Variants in FOXM1 observed in about 807,000 individuals in gnomAD.
FOXM1 encodes forkhead box M1, also known as forkhead box protein M1.
In FOXM1, 25 loss-of-function variants were observed where a neutral mutation model predicts 63.6. The observed-to-expected ratio is 0.39, with a 90% confidence interval of 0.29 to 0.55. FOXM1 has a LOEUF of 0.55. FOXM1 is among the 20% of genes least tolerant of loss of function. The pLI is 0.60. For synonymous variants in FOXM1, 387 were observed against 376.9 expected, an observed-to-expected ratio of 1.03 and a Z score of -0.31; for missense variants, 879 against 958.7, an observed-to-expected ratio of 0.92 and a Z score of 1.10.
intron 2 of FOXM1, 34 bp downstream of exon 2, chr12:2,873,943 G>T: frequency 6.3e-7 from 1 of 1,581,220 alleles, no homozygotes; most frequent in Non-Finnish European, 8.6e-7. Flanking sequence ...GAAAGGCTGG[G>T]CTCCCTCACC....
Position 2,874,007 on chromosome 12 carries a change from C to T in FOXM1, c.472G>A (p.Ala158Thr). 6.2e-7 allele frequency: 1 copy of T among 1,613,878 alleles called. No individual in the cohort carries two copies. Among genetic ancestry groups the T allele is most frequent in the South Asian group, 1.1e-5 (1 of 91,060 alleles). ...RDVNLPRPPG[A>T]LCEQKRETCA... ...GTCTCCCGTTTCTGCTCGCAAAGGGCTCCAGGTGGTCTAGGAAGATTCACA... is the reference window on the plus strand; with the variant it reads ...GTCTCCCGTTTCTGCTCGCAAAGGGTTCCAGGTGGTCTAGGAAGATTCACA... The change falls in exon 2 of 9, where the codon GCC (alanine) becomes ACC (threonine). Residue 158 changes from alanine to threonine, a missense_variant. Physicochemically the swap from Ala to Thr is moderately conservative, Grantham distance 58. Transcript: ENST00000359843. This position sits in a 1 kb window ranked among gnomAD's most constrained non-coding sequence, Gnocchi z 4.3.
Position 2,864,759 on chromosome 12 carries a change from G to A in FOXM1, c.1021-7C>T. On this transcript the variant is annotated splice_region_variant and splice_polypyrimidine_tract_variant and intron_variant, in intron 6 of 8. Coordinates refer to ENST00000359843, the MANE Select transcript of FOXM1 (RefSeq NM_021953.4). The surrounding 1 kb of genome is among the most constrained non-coding windows in gnomAD (Gnocchi z 5.1). Reference sequence around the variant, plus strand: ...GATTCGGTCGTTTCTGCTGCTGCTTGTGGCAGATGGGGAGAGAAAGAAACC... The same window carrying A: ...GATTCGGTCGTTTCTGCTGCTGCTTATGGCAGATGGGGAGAGAAAGAAACC... The A allele has an allele frequency of 6.2e-7, 1 of 1,614,126 alleles. No homozygotes were observed.
rs2098134446 is a variant in FOXM1 at position 2,872,264 on chromosome 12, C to A, written c.503-17G>T. 6.2e-7 allele frequency: 1 copy of A among 1,613,412 alleles called. No homozygotes were observed. The highest frequency in any genetic ancestry group is 8.5e-7 in the Non-Finnish European group (1 of 1,179,568). The stretch of plus-strand genomic sequence containing the variant: ...CACCATCTGCTAGAGGGAAAATAAT[C>A]CAACACCCCACTTAGCTGCCTCATC... On this transcript the variant is annotated splice_polypyrimidine_tract_variant and intron_variant, in intron 2 of 8. Coordinates refer to ENST00000359843, the MANE Select transcript of FOXM1 (RefSeq NM_021953.4). The surrounding 1 kb of genome is among the most constrained non-coding windows in gnomAD (Gnocchi z 4.0).
intron 8 of FOXM1, among the ~76,000 whole-genome samples, chr12:2,862,236 A>G (rs1255020751): frequency 6.6e-6 from 1 of 152,050 alleles, no homozygotes; most frequent in Non-Finnish European, 1.5e-5. Context: ...TGATTACATT[A>G]TCAATGTTCT....
In FOXM1 at chr12:2,866,393, C is replaced by T; in HGVS notation, c.975G>A (p.Lys325=). ...ATTTAGAGGAAAGCAGGGCATTCAC[C>T]TTAAACACCTGGTCCAATGTCAAGT... is the stretch of plus-strand genomic sequence containing the variant. ...NRYLTLDQVF[K]PLDPGSPQLP... The change falls in exon 5 of 9, where the codon AAG becomes AAA. Residue 325 remains lysine, a splice_region_variant and synonymous_variant. Coordinates refer to ENST00000359843, the MANE Select transcript of FOXM1 (RefSeq NM_021953.4). 1 of 1,474,556 alleles carries T rather than the reference C, an allele frequency of 6.8e-7. No individual in the cohort carries two copies. The highest frequency in any genetic ancestry group is 9.0e-7 in the Non-Finnish European group (1 of 1,110,744). The allele number at this position is 1,474,556 out of a possible 1,614,324, so 91.3% of individuals were successfully genotyped here.
Position 2,864,450 on chromosome 12 carries a change from A to T in FOXM1, c.1136T>A (p.Val379Glu), listed in dbSNP as rs1240841577. ...CTGGTTCACCGGGAACTGGATAGGT[A>T]CCAGGTATGAGCTGACCCGTGGTAG... ...PLLPRVSSYL[V>E]PIQFPVNQSL... is the part of the protein sequence containing the mutation. The change falls in exon 8 of 9, where the codon GTA becomes GAA. Residue 379 changes from valine (V) to glutamate (E), a missense_variant. By Grantham distance (121) the Val-to-Glu change is moderately radical (BLOSUM62 -2). Transcript: ENST00000359843. This position sits in a 1 kb window ranked among gnomAD's most constrained non-coding sequence, Gnocchi z 5.1. 6.2e-7 allele frequency: 1 copy of T among 1,614,146 alleles called. No individual in the cohort carries two copies.
chr12:2,869,804 C>G (rs1346838038), intron 3 of FOXM1, among the ~76,000 whole-genome samples: 1 of 150,960 alleles, frequency 6.6e-6, no homozygotes. Context: ...CCAGGCTGGC[C>G]TAGAACTTAC....
chr12:2,873,994 T>C lies in FOXM1; in HGVS notation c.485A>G (p.Gln162Arg). ...CCACATACCACAGGTCTCCCGTTTCTGCTCGCAAAGGGCTCCAGGTGGTCT... is the reference window on the plus strand; with the variant it reads ...CCACATACCACAGGTCTCCCGTTTCCGCTCGCAAAGGGCTCCAGGTGGTCT... ...LPRPPGALCEQKRETCADGEA... is the reference protein window; with the variant it reads ...LPRPPGALCERKRETCADGEA... Residue 162 changes from glutamine to arginine, a missense_variant, in exon 2 of 9, where the codon CAG (glutamine) becomes CGG (arginine). By Grantham distance (43) the Gln-to-Arg change is conservative. Around this residue, in one of 4 missense-constraint regions of FOXM1, gnomAD observed 255 missense variants for 292.4 expected, o/e 0.87. Transcript: ENST00000359843. The C allele has an allele frequency of 1.2e-6, 2 of 1,612,738 alleles. No individual in the cohort carries two copies. The highest frequency in any genetic ancestry group is 1.7e-6 in the Non-Finnish European group (2 of 1,178,952).
At chr12:2,861,316 T>A (rs1239756022) in intron 8 of FOXM1, 2 of 732,644 alleles carry the variant, frequency 2.7e-6, no homozygotes, top group African/African-American at 3.6e-5. Context: ...CAAAGAAAGA[T>A]AAAATTAAAC....
At position 2,877,064 on chromosome 12, in the gene FOXM1, C is replaced by A. The variant is rs978760934; in HGVS notation, c.-192G>T. On this transcript the variant is annotated 5_prime_UTR_variant, in exon 1 of 9. Coordinates refer to ENST00000359843, the MANE Select transcript of FOXM1 (RefSeq NM_021953.4). ...CCCGGCGGTGCGGGCGGGGTGGGAA[C>A]CCCGGGGGATCCCGGGAGGGGAGGG... 4 of 151,984 alleles carry A rather than the reference C, an allele frequency of 2.6e-5. No homozygotes were observed. The highest frequency in any genetic ancestry group is 7.2e-5 in the African/African-American group (3 of 41,428). The allele number at this position is 151,984 out of a possible 1,614,324, so 9.4% of individuals were successfully genotyped here.
intron 8 of FOXM1, among the ~76,000 whole-genome samples, chr12:2,863,218 T>C (rs2098117106): frequency 1.3e-5 from 2 of 152,104 alleles, no homozygotes; most frequent in African/African-American, 4.8e-5. Context: ...GGACAGTCCC[T>C]CCCACGCCCA....
At chr12:2,873,903 A>C (rs1381998436) in intron 2 of FOXM1, 74 bp downstream of exon 2, 1 of 1,494,198 alleles carries the variant, frequency 6.7e-7, no homozygotes, top group Non-Finnish European at 9.1e-7. Context: ...GTAAGCATCA[A>C]GACTGACTAC....
chr12:2,861,706 T>TA (rs1235352867), intron 8 of FOXM1, among the ~76,000 whole-genome samples: 1 of 152,204 alleles, frequency 6.6e-6, no homozygotes, highest in Non-Finnish European at 1.5e-5. Context: ...CTTGCAAACA[T>TA]ATTTATTGCA....
At chr12:2,865,608 G>A (rs150003810) in intron 5 of FOXM1, among the ~76,000 whole-genome samples, 4 of 147,594 alleles carry the variant, frequency 2.7e-5, no homozygotes, top group Non-Finnish European at 6.0e-5. Context: ...AAGACGTTCT[G>A]GTAGCTCAGC....
chr12:2,866,357 A>G, intron 5 of FOXM1, 36 bp downstream of exon 5: 1 of 1,412,610 alleles, frequency 7.1e-7, no homozygotes, highest in Non-Finnish European at 9.3e-7. Flanking sequence ...ACAACCTCCA[A>G]CTTAGGCCCT....
At position 2,864,455 on chromosome 12, in the gene FOXM1, G is replaced by A. The variant is rs143681140; in HGVS notation, c.1131C>T (p.Tyr377=). The part of the protein sequence containing the change: ...MKPLLPRVSS[Y]LVPIQFPVNQ... ...TCACCGGGAACTGGATAGGTACCAG[G>A]TATGAGCTGACCCGTGGTAGCAGTG... The change falls in exon 8 of 9, where the codon TAC becomes TAT. Residue 377 remains tyrosine, a synonymous_variant. Transcript: ENST00000359843. This position sits in a 1 kb window ranked among gnomAD's most constrained non-coding sequence, Gnocchi z 5.1. 1.4e-5 allele frequency: 23 copies of A among 1,613,964 alleles called. No individual in the cohort carries two copies. Among genetic ancestry groups the A allele is most frequent in the African/African-American group, 2.7e-5 (2 of 74,938 alleles).
At chr12:2,865,271 C>T in intron 6 of FOXM1, 84 bp downstream of exon 6, 1 of 1,273,780 alleles carries the variant, frequency 7.9e-7, no homozygotes, top group Middle Eastern at 2.0e-4. Context: ...CCCCACATCA[C>T]ATCTTGTCTC....
At position 2,858,776 on chromosome 12, in the gene FOXM1, CAG is replaced by C; in HGVS notation, c.2152_2153del (p.Leu718AspfsTer11). 1.2e-6 allele frequency: 2 copies of C among 1,614,194 alleles called. No homozygotes were observed. The highest frequency in any genetic ancestry group is 1.7e-6 in the Non-Finnish European group (2 of 1,180,042). On this transcript the variant is annotated frameshift_variant, in exon 9 of 9. Transcript: ENST00000359843. LOFTEE classifies it high-confidence loss of function. ...TTGTGTCCAGGACCAGGCCTTCTGT[CAG>C]AGAACGATTGGCTGCAAGGCCAGAA... is the stretch of plus-strand genomic sequence containing the variant. ...QVSGLAANRS[L>X]TEGLVLDTMN...
Position 2,864,908 on chromosome 12 carries a change from C to T in FOXM1, c.1021-156G>A, listed in dbSNP as rs2098120414. The T allele has an allele frequency of 2.7e-6, 2 of 753,606 alleles. No homozygotes were observed. Among genetic ancestry groups the T allele is most frequent in the Admixed American group, 4.2e-5 (2 of 47,702 alleles). The allele number at this position is 753,606 out of a possible 1,614,324, so 46.7% of individuals were successfully genotyped here. ...ACCTGAGGGGATGGACGTAGGCGAG[C>T]AGTCTCCAAAACTGTGATGAGTGGG... On this transcript the variant is annotated intron_variant, in intron 6 of 8. Coordinates refer to ENST00000359843, the MANE Select transcript of FOXM1 (RefSeq NM_021953.4). This position sits in a 1 kb window ranked among gnomAD's most constrained non-coding sequence, Gnocchi z 5.1.
Sources: gnomAD v4.1 joint callset for allele counts (sites outside exome capture counted in the v4.1 genomes callset) on GRCh38, gnomAD v4.1.1 for gene constraint, gnomAD v4.1.1 regional missense constraint, Gnocchi (gnomAD v3.1) non-coding constraint, MANE v1.5 for transcripts, NCBI Gene and HGNC (gene_info 2026-07-23, HGNC 2026-07-21) for gene names.